Variants in DPP10 observed in about 807,000 individuals in gnomAD.
The protein encoded by DPP10 is dipeptidyl peptidase like 10, also known as inactive dipeptidyl peptidase 10.
A neutral mutation model predicts 120.9 loss-of-function variants in DPP10; 33 were observed. That is an observed-to-expected ratio of 0.27 (90% CI 0.21 to 0.37). The LOEUF is 0.37. DPP10 is among the 10% of genes least tolerant of loss of function. The pLI, the probability that DPP10 is intolerant of heterozygous loss-of-function variation, is 1.00. For missense variants in DPP10, 816 were observed against 942.8 expected (o/e 0.87, Z 1.76); for synonymous variants, 337 against 326.1 (o/e 1.03, Z -0.36).
In DPP10 at chr2:115,173,367, CATG is replaced by C. The variant is rs139863324; in HGVS notation, c.61-135869_61-135867del. On this transcript the variant is annotated intron_variant, in intron 1 of 25. Coordinates refer to ENST00000410059, the MANE Select transcript of DPP10 (RefSeq NM_020868.6). ...TAAGGAAAACACAGGACAAAGCCATCATGATATAAAATTGCTGGTTTGAAGATG... is the reference window on the plus strand; with the variant it reads ...TAAGGAAAACACAGGACAAAGCCATCATATAAAATTGCTGGTTTGAAGATG... 7.5e-3 allele frequency among the ~76,000 whole-genome samples: 1,146 copies of C among 152,214 alleles called. 29 individuals carry two copies. The highest frequency in any genetic ancestry group is 0.03 in the East Asian group (157 of 5,170).
chr2:115,804,278 C>T (rs933885287), intron 19 of DPP10, among the ~76,000 whole-genome samples: 3 of 152,162 alleles, frequency 2.0e-5, no homozygotes, highest in Admixed American at 6.5e-5. Flanking sequence ...GTTTTCAGCT[C>T]CAACAGGTCC....
rs183434769 is a variant in DPP10, at chr2:114,861,192, G to A, written c.60+418354G>A. On this transcript the variant is annotated intron_variant, in intron 1 of 25. Coordinates refer to ENST00000410059, the MANE Select transcript of DPP10 (RefSeq NM_020868.6). ...CAGTCCTGGGTCGATGGGATGCAAGGCCCTGCCAGAACAGAGAGTAGGCAG... is the reference window on the plus strand; with the variant it reads ...CAGTCCTGGGTCGATGGGATGCAAGACCCTGCCAGAACAGAGAGTAGGCAG... Among the ~76,000 whole-genome samples, 40 of 152,294 alleles carry A rather than the reference G, an allele frequency of 2.6e-4. No homozygotes were observed. The East Asian group carries it at 7.3e-3, about 28-fold the overall frequency.
intron 1 of DPP10, among the ~76,000 whole-genome samples, chr2:115,060,179 T>G (rs1706286281): frequency 6.7e-6 from 1 of 149,918 alleles, no homozygotes; most frequent in African/African-American, 2.4e-5. Context: ...GATAGATATA[T>G]AGAGGTAGGT....
intron 1 of DPP10, among the ~76,000 whole-genome samples, chr2:114,726,895 C>A (rs988563790): frequency 6.6e-5 from 10 of 152,272 alleles, no homozygotes; most frequent in African/African-American, 2.4e-4. Context: ...TGGAAATTCT[C>A]TTTTTATCAT....
rs1242231158 is a variant in DPP10, at chr2:115,809,799, C to G, written c.1701-4994C>G. Reference sequence around the variant, plus strand: ...CTTTCAACTGGTCGTCAGAAGTCCTCTCGTTAGAATAATATTCTTCCTTCC... The same window carrying G: ...CTTTCAACTGGTCGTCAGAAGTCCTGTCGTTAGAATAATATTCTTCCTTCC... On this transcript the variant is annotated intron_variant, in intron 19 of 25. Coordinates refer to ENST00000410059, the MANE Select transcript of DPP10 (RefSeq NM_020868.6). Among the ~76,000 whole-genome samples, 4 of 152,196 alleles carry G rather than the reference C, an allele frequency of 2.6e-5. No individual in the cohort carries two copies. The East Asian group carries it at 7.7e-4, about 29-fold the overall frequency.
At chr2:115,484,313 C>T (rs975284635) in intron 3 of DPP10, among the ~76,000 whole-genome samples, 1 of 151,922 alleles carries the variant, frequency 6.6e-6, no homozygotes, top group Non-Finnish European at 1.5e-5. Context: ...AATGCACACT[C>T]ATTGTGTAAT....
intron 3 of DPP10, among the ~76,000 whole-genome samples, chr2:115,417,563 T>G (rs2069542773): frequency 6.6e-6 from 1 of 152,140 alleles, no homozygotes; most frequent in Admixed American, 6.6e-5. Context: ...CTTATTACAG[T>G]GCTATGATGT....
At chr2:115,678,507 T>A (rs1355396406) in intron 5 of DPP10, among the ~76,000 whole-genome samples, 1 of 152,158 alleles carries the variant, frequency 6.6e-6, no homozygotes, top group Admixed American at 6.5e-5. Context: ...AACCTCTGCC[T>A]AGATTTCAGA....
intron 3 of DPP10, among the ~76,000 whole-genome samples, chr2:115,348,455 T>A (rs1195845228): frequency 6.6e-6 from 1 of 152,142 alleles, no homozygotes; most frequent in Non-Finnish European, 1.5e-5. Context: ...TTTTTCTCGA[T>A]TTTTTTCAAT....
chr2:114,599,667 G>A lies in DPP10; in HGVS notation c.60+156829G>A, dbSNP rs764422579. On this transcript the variant is annotated intron_variant, in intron 1 of 25. Transcript: ENST00000410059. ...ACATTTTTGTTGTTTCTAGTTTTGC[G>A]CTATTTTGAATAAAATTTCTGTGAA... is the stretch of plus-strand genomic sequence containing the variant. Among the ~76,000 whole-genome samples, 11 of 151,164 alleles carry A rather than the reference G, an allele frequency of 7.3e-5. No individual in the cohort carries two copies. The South Asian group carries it at 8.3e-4, about 11-fold the overall frequency.
intron 1 of DPP10, among the ~76,000 whole-genome samples, chr2:114,548,641 C>T (rs1448209551): frequency 2.6e-5 from 4 of 152,262 alleles, no homozygotes; most frequent in East Asian, 1.9e-4. Flanking sequence ...CCCTAAACAG[C>T]GACTTCATTT....
chr2:115,645,568 C>T (rs1360784611), intron 5 of DPP10, among the ~76,000 whole-genome samples: 1 of 151,986 alleles, frequency 6.6e-6, no homozygotes, highest in African/African-American at 2.4e-5. Flanking sequence ...TAGTAATTTG[C>T]CTGAAATTGA....
chr2:115,064,110 G>A (rs146176952), intron 1 of DPP10, among the ~76,000 whole-genome samples: 2,478 of 151,584 alleles, frequency 0.016, 52 homozygotes, highest in African/African-American at 0.047. Context: ...GCTAGATATG[G>A]GATTGTTGTT....
chr2:115,700,940 G>A (rs1439914156), intron 7 of DPP10, among the ~76,000 whole-genome samples: 3 of 151,966 alleles, frequency 2.0e-5, no homozygotes, highest in African/African-American at 7.2e-5. Context: ...AAAAATTAAA[G>A]GACACATAAT....
intron 5 of DPP10, among the ~76,000 whole-genome samples, chr2:115,568,956 A>G (rs916143435): frequency 3.9e-5 from 6 of 152,134 alleles, no homozygotes; most frequent in Non-Finnish European, 7.4e-5. Context: ...CTTGGTGTCA[A>G]TATTCTTATA....
At chr2:114,803,495 T>G (rs1684449440) in intron 1 of DPP10, among the ~76,000 whole-genome samples, 1 of 152,194 alleles carries the variant, frequency 6.6e-6, no homozygotes, top group Non-Finnish European at 1.5e-5. Flanking sequence ...TAGAGACTTG[T>G]TGAATGGCTT....
intron 2 of DPP10, among the ~76,000 whole-genome samples, chr2:115,337,513 G>C (rs10864938): frequency 0.65 from 99,023 of 151,512 alleles, 32,649 homozygotes; most frequent in Admixed American, 0.74. Flanking sequence ...CTAGTTACGT[G>C]GTCTTTGTCA....
chr2:114,818,815 C>T (rs1685850607), intron 1 of DPP10, among the ~76,000 whole-genome samples: 1 of 152,102 alleles, frequency 6.6e-6, no homozygotes, highest in South Asian at 2.1e-4. Flanking sequence ...CCTTTTCTAC[C>T]ACACGCACCA....
intron 19 of DPP10, among the ~76,000 whole-genome samples, chr2:115,794,457 A>G (rs1684326163): frequency 6.6e-6 from 1 of 152,202 alleles, no homozygotes; most frequent in South Asian, 2.1e-4. Context: ...TTGAAACTCA[A>G]ACTTAATCTC....
Sources: allele counts gnomAD v4.1 joint callset (sites outside exome capture counted in the v4.1 genomes callset), GRCh38; gene constraint gnomAD v4.1.1; transcripts MANE v1.5; gene names NCBI Gene and HGNC (gene_info 2026-07-23, HGNC 2026-07-21).